Variants in RPS6KC1 observed in about 807,000 individuals in gnomAD.
RPS6KC1 encodes inactive ribosomal protein S6 kinase delta-1.
A neutral mutation model predicts 103.8 loss-of-function variants in RPS6KC1; 54 were observed. The observed-to-expected ratio is 0.52, with a 90% CI of 0.42 to 0.65. The LOEUF (loss-of-function observed/expected upper bound fraction) is 0.65, where lower values mean the gene tolerates loss of function less well. Among genes scored for constraint, RPS6KC1 ranks in the 30% least tolerant of loss-of-function variants. The pLI is 0.00. For synonymous variants in RPS6KC1, 439 were observed against 438.7 expected, an observed-to-expected ratio of 1.00 and a Z score of -0.01; for missense variants, 1,151 against 1,253.8, an observed-to-expected ratio of 0.92 and a Z score of 1.24.
the RPS6KC1 span, among the ~76,000 whole-genome samples, chr1:213,399,647 C>T: frequency 3.3e-3 from 509 of 152,168 alleles, 5 homozygotes; most frequent in African/African-American, 0.012. Context: ...TGCATGAAGC[C>T]GCCCACCCTC....
At chr1:213,325,810 A>G in the RPS6KC1 span, among the ~76,000 whole-genome samples, 1 of 152,258 alleles carries the variant, frequency 6.6e-6, no homozygotes, top group Admixed American at 6.5e-5. Context: ...AACCTTGGTC[A>G]TAAGTAACCT....
rs748180014 is a variant in RPS6KC1, at chr1:213,241,627, T to C, written c.2151T>C (p.Asn717=). 6.2e-7 allele frequency: 1 copy of C among 1,613,894 alleles called. No individual in the cohort carries two copies. Among genetic ancestry groups the C allele is most frequent in the South Asian group, 1.1e-5 (1 of 91,072 alleles). Residue 717 remains asparagine, a synonymous_variant, in exon 11 of 15, where the codon AAT becomes AAC. Transcript: ENST00000366960. ...GACCTACTAAGTTTACACAAACTAA[T>C]ATAGGGATAATAGAAAATAAACTCT... ...AMGPTKFTQT[N]IGIIENKLLE...
the RPS6KC1 span, chr1:213,837,333 A>T: frequency 1.3e-5 from 2 of 152,350 alleles, no homozygotes; most frequent in Middle Eastern, 3.4e-3. Context: ...TTCTCTCTAT[A>T]AAAATTTAAA....
the RPS6KC1 span, among the ~76,000 whole-genome samples, chr1:213,415,468 G>T: frequency 6.6e-6 from 1 of 152,210 alleles, no homozygotes. Flanking sequence ...AAGCTAAAGG[G>T]GTCGGCTTCT....
chr1:213,124,416 A>C (rs1405725649), intron 5 of RPS6KC1, among the ~76,000 whole-genome samples: 2 of 152,210 alleles, frequency 1.3e-5, no homozygotes, highest in East Asian at 1.9e-4. Context: ...TCCTACCTAG[A>C]CTGAGAACCT....
the RPS6KC1 span, among the ~76,000 whole-genome samples, chr1:213,636,128 G>C: frequency 1.2e-4 from 19 of 152,048 alleles, no homozygotes; most frequent in Admixed American, 2.0e-4. Context: ...AGGACACAAA[G>C]AAATGGAAGA....
chr1:213,393,349 C>CT, the RPS6KC1 span, among the ~76,000 whole-genome samples: 1 of 152,292 alleles, frequency 6.6e-6, no homozygotes, highest in African/African-American at 2.4e-5. Flanking sequence ...CCAAGAATCC[C>CT]TTTTTCTTTC....
the RPS6KC1 span, among the ~76,000 whole-genome samples, chr1:213,745,027 A>G: frequency 6.6e-6 from 1 of 152,210 alleles, no homozygotes; most frequent in African/African-American, 2.4e-5. Flanking sequence ...ACACGCTGGC[A>G]GTGGTGTCCC....
At chr1:213,213,248 G>T (rs1023017989) in intron 8 of RPS6KC1, among the ~76,000 whole-genome samples, 1 of 152,140 alleles carries the variant, frequency 6.6e-6, no homozygotes. Context: ...TTTTTGTTAA[G>T]GGTGTAAGGT....
At chr1:213,151,223 C>A (rs2088797482) in intron 6 of RPS6KC1, among the ~76,000 whole-genome samples, 1 of 130,416 alleles carries the variant, frequency 7.7e-6, no homozygotes, top group Non-Finnish European at 1.7e-5. Context: ...GGGGGGCTGA[C>A]CCCCCCACCT....
At chr1:213,131,155 G>A (rs2085560319) in intron 6 of RPS6KC1, among the ~76,000 whole-genome samples, 5 of 151,938 alleles carry the variant, frequency 3.3e-5, no homozygotes, top group African/African-American at 9.7e-5. Context: ...ATCAAACAGC[G>A]ATTAATGTTT....
At chr1:213,152,992 C>T in intron 6 of RPS6KC1, among the ~76,000 whole-genome samples, 1 of 152,186 alleles carries the variant, frequency 6.6e-6, no homozygotes, top group African/African-American at 2.4e-5. Flanking sequence ...AATCCCGGCA[C>T]CTCAGGAGGC....
the RPS6KC1 span, among the ~76,000 whole-genome samples, chr1:213,374,653 G>T: frequency 3.3e-5 from 5 of 152,334 alleles, no homozygotes; most frequent in African/African-American, 9.6e-5. Context: ...GAAAAGAGAC[G>T]TGATCACACC....
chr1:213,506,697 A>G, the RPS6KC1 span, among the ~76,000 whole-genome samples: 2 of 152,382 alleles, frequency 1.3e-5, no homozygotes, highest in Admixed American at 6.5e-5. Context: ...ATATCAATGT[A>G]TCAATGTCTG....
At chr1:213,597,336 G>A in the RPS6KC1 span, among the ~76,000 whole-genome samples, 5 of 152,186 alleles carry the variant, frequency 3.3e-5, no homozygotes, top group African/African-American at 1.2e-4. Flanking sequence ...GTGCAGGGGC[G>A]AGGCGAGCGC....
At chr1:213,481,481 C>T in the RPS6KC1 span, among the ~76,000 whole-genome samples, 2 of 152,098 alleles carry the variant, frequency 1.3e-5, no homozygotes, top group African/African-American at 2.4e-5. Flanking sequence ...GGAATCATGG[C>T]TGTTATATTT....
the RPS6KC1 span, among the ~76,000 whole-genome samples, chr1:213,518,272 A>G: frequency 6.6e-6 from 1 of 152,208 alleles, no homozygotes; most frequent in Non-Finnish European, 1.5e-5. Context: ...AAGTCTTTGC[A>G]GATGTAATTA....
the RPS6KC1 span, among the ~76,000 whole-genome samples, chr1:213,814,573 T>C: frequency 1.3e-5 from 2 of 152,212 alleles, no homozygotes; most frequent in African/African-American, 4.8e-5. Context: ...AGAATGCCAG[T>C]TCTTCCACTC....
chr1:213,174,266 C>A (rs1573011963), intron 7 of RPS6KC1, among the ~76,000 whole-genome samples: 1 of 152,168 alleles, frequency 6.6e-6, no homozygotes, highest in East Asian at 1.9e-4. Flanking sequence ...TCTGAGAATC[C>A]CTTTATTCAT....
Sources: gnomAD v4.1 joint callset for allele counts (sites outside exome capture counted in the v4.1 genomes callset) on GRCh38, gnomAD v4.1.1 for gene constraint, MANE v1.5 for transcripts, NCBI Gene and HGNC (gene_info 2026-07-23, HGNC 2026-07-21) for gene names.